The following JAG1 variants were observed in gnomAD, a reference collection of about 807,000 sequenced individuals.
JAG1 encodes protein jagged-1.
Under a neutral mutation model 148.7 loss-of-function variants are expected in JAG1, and 23 were observed. The ratio of observed to expected loss-of-function variants is 0.15; its 90% CI spans 0.11 to 0.22. The LOEUF (loss-of-function observed/expected upper bound fraction) is 0.22. Among genes scored for constraint, JAG1 ranks in the 10% least tolerant of loss-of-function variants. The pLI is 1.00. For missense variants in JAG1, 1,054 were observed against 1,611.2 expected (o/e 0.65, Z 5.92); for synonymous variants, 572 against 598.3 (o/e 0.96, Z 0.64).
intron 12 of JAG1, 26 bp from the exon 13 acceptor site, chr20:10,648,136 G>C: frequency 6.2e-7 from 1 of 1,614,076 alleles, no homozygotes; most frequent in Non-Finnish European, 8.5e-7. Context: ...ACAGCGAAAA[G>C]GGGGAGGGAT....
In JAG1 at chr20:10,649,050, G is replaced by T; in HGVS notation, c.1395+11C>A. The T allele has an allele frequency of 6.2e-7, 1 of 1,602,530 alleles. No individual in the cohort carries two copies. The highest frequency in any genetic ancestry group is 8.6e-7 in the Non-Finnish European group (1 of 1,169,444). On this transcript the variant is annotated intron_variant, in intron 11 of 25. Coordinates refer to ENST00000254958, the MANE Select transcript of JAG1 (RefSeq NM_000214.3). Reference sequence around the variant, plus strand: ...TTGTCAAAGTTTTGATTTAAGCAAAGATTTACATACCCGACAGGAGGCGTC... The same window carrying T: ...TTGTCAAAGTTTTGATTTAAGCAAATATTTACATACCCGACAGGAGGCGTC...
intron 19 of JAG1, 43 bp from the exon 20 acceptor site, chr20:10,643,906 A>G (rs1180626975): frequency 2.1e-6 from 3 of 1,459,558 alleles, no homozygotes; most frequent in Admixed American, 3.4e-5. Flanking sequence ...CTCCCAGTCC[A>G]TTACTCTGGC....
intron 2 of JAG1, among the ~76,000 whole-genome samples, chr20:10,670,928 G>A (rs182671882): frequency 6.6e-6 from 1 of 152,200 alleles, no homozygotes; most frequent in South Asian, 2.1e-4. Context: ...GTCAAAAGCG[G>A]ACAGACGCAC....
chr20:10,661,779 ACT>A (rs1401693867), intron 3 of JAG1, among the ~76,000 whole-genome samples: 2 of 152,234 alleles, frequency 1.3e-5, no homozygotes, highest in East Asian at 3.9e-4. Flanking sequence ...GACGAAGGCT[ACT>A]CTAAGTTCAG....
At chr20:10,656,295 T>C in intron 5 of JAG1, 103 bp downstream of exon 5, 1 of 974,336 alleles carries the variant, frequency 1.0e-6, no homozygotes, top group African/African-American at 1.6e-5. Flanking sequence ...AAAAAAGCTT[T>C]CTTGTTCTCC....
intron 3 of JAG1, among the ~76,000 whole-genome samples, chr20:10,661,067 G>C (rs1266511674): frequency 6.6e-6 from 1 of 152,192 alleles, no homozygotes; most frequent in African/African-American, 2.4e-5. Context: ...ACAGTAAACT[G>C]AAACCATTTG....
At chr20:10,656,852 T>C (rs942566493) in intron 4 of JAG1, among the ~76,000 whole-genome samples, 1 of 141,976 alleles carries the variant, frequency 7.0e-6, no homozygotes, top group African/African-American at 2.7e-5. Flanking sequence ...CCAGGACACA[T>C]TCAGATGAGC....
Position 10,639,846 on chromosome 20 carries a change from T to C in JAG1, c.3309A>G (p.Thr1103=), listed in dbSNP as rs1259778353. ...TGGTGTTGTCCTCAGAGGCTGAGTG[T>C]GTGTGGCTGCCCGGCTTCCGCCGCT... ...LRKRRKPGSH[T]HSASEDNTTN... is the part of the protein sequence containing the mutation. Residue 1103 remains threonine, a synonymous_variant, in exon 26 of 26, where the codon ACA becomes ACG. Coordinates refer to ENST00000254958, the MANE Select transcript of JAG1 (RefSeq NM_000214.3). 2.5e-6 allele frequency: 4 copies of C among 1,614,070 alleles called. No homozygotes were observed. Among genetic ancestry groups the C allele is most frequent in the Non-Finnish European group, 3.4e-6 (4 of 1,180,014 alleles).
intron 2 of JAG1, among the ~76,000 whole-genome samples, chr20:10,670,196 G>A (rs561642383): frequency 1.3e-5 from 2 of 152,284 alleles, no homozygotes; most frequent in Admixed American, 6.5e-5. Flanking sequence ...AACATGAACA[G>A]TTGCTTGGAT....
rs33929314 is a variant in JAG1 at position 10,673,166 on chromosome 20, CAAAA to C, written c.82-164_82-161del. ...TCAAGGACTCAACATGATTCCGGGG[CAAAA>C]AAAAAAAAAAATGCACGAGTGCGGA... On this transcript the variant is annotated intron_variant, in intron 1 of 25. Transcript: ENST00000254958. This position sits in a 1 kb window ranked among gnomAD's most constrained non-coding sequence, Gnocchi z 4.7. The C allele has an allele frequency of 6.9e-5, 41 of 590,840 alleles. No homozygotes were observed. The highest frequency in any genetic ancestry group is 1.0e-4 in the South Asian group (5 of 48,920). The allele number at this position is 590,840 out of a possible 1,614,324, so 36.6% of individuals were successfully genotyped here.
intron 14 of JAG1, chr20:10,646,296 G>A (rs2067307893): frequency 1.7e-6 from 1 of 574,620 alleles, no homozygotes; most frequent in South Asian, 1.9e-5. Flanking sequence ...CCTCACATGG[G>A]CATTTAGTCA....
chr20:10,669,024 C>G (rs1394912195), intron 2 of JAG1, among the ~76,000 whole-genome samples: 2 of 48,788 alleles, frequency 4.1e-5, no homozygotes, highest in Admixed American at 2.2e-4. Context: ...GTTACACCTG[C>G]AAGAGAAAAA....
At position 10,652,243 on chromosome 20, in the gene JAG1, A is replaced by G. The variant is rs149897344; in HGVS notation, c.894T>C (p.Asn298=). ...GACACGGCTGATGAGTCCCACAGTA[A>G]TTGAGATCTGCCAAAAAGATCCTGG... ...WGGQLCDKDL[N]YCGTHQPCLN... Residue 298 remains asparagine, a synonymous_variant, in exon 7 of 26, where the codon AAT becomes AAC. Coordinates refer to ENST00000254958, the MANE Select transcript of JAG1 (RefSeq NM_000214.3). The G allele has an allele frequency of 5.5e-4, 889 of 1,614,092 alleles. No individual in the cohort carries two copies. Among genetic ancestry groups the G allele is most frequent in the Admixed American group, 1.1e-3 (68 of 60,032 alleles).
intron 25 of JAG1, 111 bp from the exon 26 acceptor site, chr20:10,640,066 G>A (rs1213132688): frequency 2.4e-6 from 2 of 823,924 alleles, no homozygotes; most frequent in African/African-American, 1.7e-5. Flanking sequence ...TCCCTAAGAG[G>A]GGGGCCACAG....
chr20:10,647,259 A>G (rs2067315643), intron 13 of JAG1, 156 bp from the exon 14 acceptor site: 2 of 787,678 alleles, frequency 2.5e-6, no homozygotes, highest in Non-Finnish European at 4.3e-6. Context: ...AACGTGCCAC[A>G]TCACATTATG....
chr20:10,646,087 A>G lies in JAG1; in HGVS notation c.1886-3T>C, dbSNP rs375740296. 4 of 1,604,664 alleles carry G rather than the reference A, an allele frequency of 2.5e-6. No individual in the cohort carries two copies. The highest frequency in any genetic ancestry group is 1.7e-4 in the Middle Eastern group (1 of 6,054). The stretch of plus-strand genomic sequence containing the variant: ...GTTGCTCTCACAGTCATTAATATCT[A>G]TGAAACAAAGTAAAGCAAAAAAAGA... On this transcript the variant is annotated splice_polypyrimidine_tract_variant and splice_region_variant and intron_variant, in intron 14 of 25. Transcript: ENST00000254958.
intron 22 of JAG1, 43 bp downstream of exon 22, chr20:10,641,740 G>T (rs749203194): frequency 1.9e-6 from 3 of 1,609,960 alleles, no homozygotes; most frequent in Admixed American, 3.3e-5. Flanking sequence ...GCTCATCCCT[G>T]ATTCCAGAAC....
Position 10,652,145 on chromosome 20 carries a change from G to T in JAG1, c.992C>A (p.Pro331His), listed in dbSNP as rs886044339. 6.2e-7 allele frequency: 1 copy of T among 1,613,932 alleles called. No individual in the cohort carries two copies. The highest frequency in any genetic ancestry group is 1.6e-4 in the Middle Eastern group (1 of 6,062). The change falls in exon 7 of 26, where the codon CCC becomes CAC. Residue 331 changes from proline to histidine, a missense_variant. Pro to His is a moderately conservative substitution (Grantham distance 77). This residue lies in a region of JAG1 where 245 missense variants were observed against 373.1 expected (regional missense o/e 0.66). Transcript: ENST00000254958. The stretch of plus-strand genomic sequence containing the variant: ...GGACCACTTACCAATTTCACAGTTG[G>T]GTCCTGAATACCCCTCAGGGCAGGA... ...QCSCPEGYSG[P>H]NCEIAEHACL...
chr20:10,656,062 G>A (rs2067376810), intron 5 of JAG1, among the ~76,000 whole-genome samples: 1 of 152,198 alleles, frequency 6.6e-6, no homozygotes, highest in Non-Finnish European at 1.5e-5. Context: ...GAAGAGGAGA[G>A]AGACGCAAAG....
Sources: gnomAD v4.1 joint callset for allele counts (sites outside exome capture counted in the v4.1 genomes callset) on GRCh38, gnomAD v4.1.1 for gene constraint, gnomAD v4.1.1 regional missense constraint, Gnocchi (gnomAD v3.1) non-coding constraint, MANE v1.5 for transcripts, NCBI Gene and HGNC (gene_info 2026-07-23, HGNC 2026-07-21) for gene names.